The following IGSF9B variants were observed in gnomAD, a reference collection of about 807,000 sequenced individuals.
IGSF9B encodes immunoglobulin superfamily member 9B.
IGSF9B carries 48 observed loss-of-function variants against 143.7 expected under a neutral mutation model. The ratio of observed to expected loss-of-function variants is 0.33; its 90% CI spans 0.26 to 0.42. The LOEUF is 0.42. Ranked by LOEUF, IGSF9B falls within the 20% of genes least tolerant of loss-of-function variation. The probability of loss-of-function intolerance (pLI) is 1.00; values close to 1 mark genes in which losing one functional copy is unlikely to be tolerated. For synonymous variants in IGSF9B, 903 were observed against 833.1 expected, an observed-to-expected ratio of 1.08 and a Z score of -1.44; for missense variants, 1,706 against 1,980.0, an observed-to-expected ratio of 0.86 and a Z score of 2.63.
chr11:133,931,825 C>T lies in IGSF9B; in HGVS notation c.1111-30G>A, dbSNP rs563443708. 1.4e-5 allele frequency: 22 copies of T among 1,608,520 alleles called. No individual in the cohort carries two copies. Among genetic ancestry groups the T allele is most frequent in the South Asian group, 4.4e-5 (4 of 90,264 alleles). On this transcript the variant is annotated intron_variant, in intron 8 of 19. Transcript: ENST00000533871. This position sits in a 1 kb window ranked among gnomAD's most constrained non-coding sequence, Gnocchi z 7.7. Reference sequence around the variant, plus strand: ...CAGACACAGACGATAGGGCAGGGAACGCTGGTCAGAGACTCCGCGCTCCAT... The same window carrying T: ...CAGACACAGACGATAGGGCAGGGAATGCTGGTCAGAGACTCCGCGCTCCAT...
chr11:133,932,188 G>A lies in IGSF9B; in HGVS notation c.993C>T (p.Pro331=), dbSNP rs773436363. Residue 331 remains proline (P), a synonymous_variant, in exon 8 of 20, where the codon CCC becomes CCT. Transcript: ENST00000533871. The stretch of plus-strand genomic sequence containing the variant: ...TCCCCACGGGCACGTAAATCACAGG[G>A]GGCATGTTGAGGACACGCGCTGGGT... ...VQYPARVLNM[P]PVIYVPVGIH... 12 of 1,583,448 alleles carry A rather than the reference G, an allele frequency of 7.6e-6. No homozygotes were observed. Among genetic ancestry groups the A allele is most frequent in the Middle Eastern group, 3.3e-4 (2 of 6,040 alleles).
At chr11:133,939,554 T>A (rs1297901323) in intron 3 of IGSF9B, among the ~76,000 whole-genome samples, 1 of 152,242 alleles carries the variant, frequency 6.6e-6, no homozygotes, top group Non-Finnish European at 1.5e-5. Flanking sequence ...ATGAGTGGTG[T>A]TCACACATAC....
In IGSF9B at chr11:133,925,720, G is replaced by A; in HGVS notation, c.2034+19C>T. The A allele has an allele frequency of 6.2e-7, 1 of 1,602,266 alleles. No homozygotes were observed. The highest frequency in any genetic ancestry group is 8.5e-7 in the Non-Finnish European group (1 of 1,171,542). ...TCCCGGATTTGGGAAGCAGCAGCAA[G>A]GAAGAGCAAAGCCCTCACCTGTGAC... On this transcript the variant is annotated intron_variant, in intron 14 of 19. Transcript: ENST00000533871.
In IGSF9B at chr11:133,904,212, C is replaced by G. The variant is rs1253656087; in HGVS notation, c.*4857G>C. Among the ~76,000 whole-genome samples, 1 of 152,134 alleles carries G rather than the reference C, an allele frequency of 6.6e-6. No individual in the cohort carries two copies. Among genetic ancestry groups the G allele is most frequent in the African/African-American group, 2.4e-5 (1 of 41,426 alleles). ...CCCTCTCTATCACCATCACCATCAC[C>G]AAGGCCCATGAACATTTTCAGATTG... is the stretch of plus-strand genomic sequence containing the variant. On this transcript the variant is annotated 3_prime_UTR_variant, in exon 20 of 20. Transcript: ENST00000533871.
At position 133,946,187 on chromosome 11, in the gene IGSF9B, C is replaced by T. The variant is rs370921168; in HGVS notation, c.136G>A (p.Asp46Asn). 35 of 1,613,690 alleles carry T rather than the reference C, an allele frequency of 2.2e-5. 1 individual carries two copies. In the South Asian group the frequency reaches 2.5e-4, roughly 12 times the overall value. ...RAGESVVLRC[D>N]VIHPVTGQPP... is the part of the protein sequence containing the mutation. ...TGTCCCGTCACTGGGTGGATCACGTCGCATCGCAGGACCACGCTCTCCCCA... is the reference window on the plus strand; with the variant it reads ...TGTCCCGTCACTGGGTGGATCACGTTGCATCGCAGGACCACGCTCTCCCCA... The change falls in exon 2 of 20, where the codon GAC (aspartate) becomes AAC (asparagine). Residue 46 changes from aspartate to asparagine, a missense_variant. By Grantham distance (23) the Asp-to-Asn change is conservative (BLOSUM62 1). Around this residue, in one of 7 missense-constraint regions of IGSF9B, gnomAD observed 171 missense variants for 213.9 expected, o/e 0.80. Coordinates refer to ENST00000533871, the MANE Select transcript of IGSF9B (RefSeq NM_001277285.4).
At position 133,931,102 on chromosome 11, in the gene IGSF9B, G is replaced by A; in HGVS notation, c.1401C>T (p.Ala467=). ...VGKPSRSKHS[A]LPSGSLQFRA... ...GGAACTGCAGGCTCCCACTGGGCAGGGCACTGTGCTTGCTTCTGCTGGGCT... is the reference window on the plus strand; with the variant it reads ...GGAACTGCAGGCTCCCACTGGGCAGAGCACTGTGCTTGCTTCTGCTGGGCT... Residue 467 remains alanine (A), a synonymous_variant, in exon 11 of 20, where the codon GCC becomes GCT. Transcript: ENST00000533871. The surrounding 1 kb of genome is among the most constrained non-coding windows in gnomAD (Gnocchi z 7.7). 6.2e-7 allele frequency: 1 copy of A among 1,613,640 alleles called. No individual in the cohort carries two copies. The highest frequency in any genetic ancestry group is 8.5e-7 in the Non-Finnish European group (1 of 1,179,712).
At chr11:133,946,354 C>T (rs900700544) in intron 1 of IGSF9B, 96 bp from the exon 2 acceptor site, 2 of 1,062,232 alleles carry the variant, frequency 1.9e-6, no homozygotes, top group Non-Finnish European at 2.8e-6. Context: ...CCCCGCCCCC[C>T]ACCAGCTGCC....
chr11:133,926,781 A>C (rs11223625), intron 13 of IGSF9B, 135 bp downstream of exon 13: 100,080 of 655,640 alleles, frequency 0.15, 8,935 homozygotes, highest in Middle Eastern at 0.25. Flanking sequence ...CCTCACGGGG[A>C]GATCAGATGG....
At chr11:133,956,552 A>G in intron 1 of IGSF9B, 139 bp downstream of exon 1, 1 of 513,178 alleles carries the variant, frequency 1.9e-6, no homozygotes, top group Non-Finnish European at 3.3e-6. Context: ...CCCGCGTCGG[A>G]GCCCAAGCCT....
In IGSF9B at chr11:133,908,943, G is replaced by C. The variant is rs552879997; in HGVS notation, c.*126C>G. 179 of 790,876 alleles carry C rather than the reference G, an allele frequency of 2.3e-4. No homozygotes were observed. In the Middle Eastern group the frequency reaches 4.1e-3, roughly 18 times the overall value. The allele number at this position is 790,876 out of a possible 1,614,324, so 49.0% of individuals were successfully genotyped here. ...GAGGGAGACACCCGCTCTGGCAAAA[G>C]AGGGGGCATGCAGGACAAAGGTCTG... On this transcript the variant is annotated 3_prime_UTR_variant, in exon 20 of 20. Transcript: ENST00000533871.
In IGSF9B at chr11:133,931,511, T is replaced by G. The variant is rs770385763; in HGVS notation, c.1310A>C (p.Glu437Ala). The G allele has an allele frequency of 2.1e-5, 34 of 1,612,766 alleles. No homozygotes were observed. The highest frequency in any genetic ancestry group is 2.8e-5 in the Non-Finnish European group (33 of 1,179,746). The change falls in exon 10 of 20, where the codon GAG becomes GCG. Residue 437 changes from glutamate (E) to alanine (A), a missense_variant. Transcript: ENST00000533871. This position sits in a 1 kb window ranked among gnomAD's most constrained non-coding sequence, Gnocchi z 7.7. ...TGCGGCAGCACAGGGGATAAGTAGC[T>G]CCCGGCCGGCCTCCTGCCTGTACTC... ...GWEYRQEAGR[E>A]LLIPCAAAGD...
At chr11:133,938,538 T>C (rs1939867625) in intron 3 of IGSF9B, among the ~76,000 whole-genome samples, 1 of 152,202 alleles carries the variant, frequency 6.6e-6, no homozygotes, top group Non-Finnish European at 1.5e-5. Flanking sequence ...TTTCCTCTGA[T>C]CATGTCAGGT....
At chr11:133,911,747 T>C in intron 19 of IGSF9B, 139 bp downstream of exon 19, 1 of 610,492 alleles carries the variant, frequency 1.6e-6, no homozygotes, top group Non-Finnish European at 2.5e-6. Context: ...CAAGAGAAGC[T>C]TGTGGATTCA....
intron 1 of IGSF9B, among the ~76,000 whole-genome samples, chr11:133,947,888 G>A (rs1186340587): frequency 3.3e-5 from 5 of 151,788 alleles, no homozygotes; most frequent in Middle Eastern, 3.4e-3. Flanking sequence ...TCTGTCCTGC[G>A]GGCTCCATTT....
chr11:133,946,048 G>A lies in IGSF9B; in HGVS notation c.262+13C>T. ...CTGGGGAAGGTGCGGGAGACCGGGT[G>A]CCCAGACCTTACCTGCATACTCAGG... On this transcript the variant is annotated intron_variant, in intron 2 of 19. Transcript: ENST00000533871. 1 of 1,533,322 alleles carries A rather than the reference G, an allele frequency of 6.5e-7. No individual in the cohort carries two copies. The highest frequency in any genetic ancestry group is 1.3e-5 in the South Asian group (1 of 78,438). 95.0% of individuals were successfully genotyped at this position (1,533,322 alleles called of 1,614,324 possible).
At chr11:133,927,270 A>G (rs1030534034) in intron 12 of IGSF9B, among the ~76,000 whole-genome samples, 179 bp from the exon 13 acceptor site, 7 of 152,228 alleles carry the variant, frequency 4.6e-5, no homozygotes, top group African/African-American at 1.7e-4. Flanking sequence ...GGCTGTGCCA[A>G]TCCTCCTGAT....
chr11:133,939,837 ACGCGTC>A, intron 3 of IGSF9B, among the ~76,000 whole-genome samples: 1 of 151,214 alleles, frequency 6.6e-6, no homozygotes, highest in East Asian at 2.0e-4. Context: ...ATGTCCTCGC[ACGCGTC>A]ATCACACGCA....
intron 7 of IGSF9B, 122 bp downstream of exon 7, chr11:133,935,495 G>T: frequency 1.8e-6 from 2 of 1,137,326 alleles, no homozygotes; most frequent in Non-Finnish European, 2.4e-6. Flanking sequence ...TCTCTTATTC[G>T]CTCCTCCACC....
chr11:133,934,757 G>C (rs147822835), intron 7 of IGSF9B, among the ~76,000 whole-genome samples: 3 of 152,118 alleles, frequency 2.0e-5, no homozygotes, highest in African/African-American at 7.2e-5. Flanking sequence ...TCCTCAGCTC[G>C]TACACTGACC....
Sources: allele counts gnomAD v4.1 joint callset (sites outside exome capture counted in the v4.1 genomes callset), GRCh38; gene constraint gnomAD v4.1.1; regional missense constraint gnomAD v4.1.1; non-coding constraint Gnocchi (gnomAD v3.1); transcripts MANE v1.5; gene names NCBI Gene and HGNC (gene_info 2026-07-23, HGNC 2026-07-21).